The following ADAMTSL3 variants were observed in gnomAD, a reference collection of about 807,000 sequenced individuals.
ADAMTSL3 encodes the protein ADAMTS like 3, also known as ADAMTS-like protein 3.
A neutral mutation model predicts 201.7 loss-of-function variants in ADAMTSL3; 128 were observed. The observed-to-expected ratio is 0.63, with a 90% CI of 0.55 to 0.73. The LOEUF (loss-of-function observed/expected upper bound fraction) is 0.73. Ranked by LOEUF, ADAMTSL3 falls within the 30% of genes least tolerant of loss-of-function variation. The pLI is 0.00. For synonymous variants in ADAMTSL3, 738 were observed against 748.4 expected (o/e 0.99, Z 0.23); for missense variants, 1,990 against 2,119.6 (o/e 0.94, Z 1.20).
intron 3 of ADAMTSL3, among the ~76,000 whole-genome samples, chr15:83,719,216 A>C: frequency 6.6e-6 from 1 of 152,236 alleles, no homozygotes; most frequent in East Asian, 1.9e-4. Flanking sequence ...GTGTACAAGG[A>C]AACACATTAA....
intron 16 of ADAMTSL3, among the ~76,000 whole-genome samples, chr15:83,920,506 A>C (rs1175693594): frequency 6.6e-6 from 1 of 152,198 alleles, no homozygotes; most frequent in Non-Finnish European, 1.5e-5. Flanking sequence ...TGGATCCATA[A>C]AATATTATGC....
intron 3 of ADAMTSL3, chr15:83,740,075 AC>A (rs2062430399): frequency 3.3e-6 from 1 of 303,240 alleles, no homozygotes; most frequent in South Asian, 4.2e-5. Context: ...GGTAAGGAAT[AC>A]CTATGCCAGT....
intron 4 of ADAMTSL3, among the ~76,000 whole-genome samples, chr15:83,777,614 A>G (rs1199696752): frequency 2.6e-5 from 4 of 152,164 alleles, no homozygotes; most frequent in Non-Finnish European, 4.4e-5. Context: ...AAACAAAATT[A>G]TGCAAAAAGT....
At chr15:83,996,463 A>G (rs186773688) in intron 23 of ADAMTSL3, among the ~76,000 whole-genome samples, 41 of 152,294 alleles carry the variant, frequency 2.7e-4, no homozygotes, top group African/African-American at 9.4e-4. Context: ...GCTTCTCTGA[A>G]TCAATACAAA....
At chr15:83,899,474 G>A (rs2065681785) in intron 14 of ADAMTSL3, among the ~76,000 whole-genome samples, 173 bp from the exon 15 acceptor site, 1 of 152,154 alleles carries the variant, frequency 6.6e-6, no homozygotes, top group Admixed American at 6.5e-5. Context: ...ATATACAGCA[G>A]AAGTGTTTAA....
chr15:83,690,296 C>G (rs997867498), intron 2 of ADAMTSL3, among the ~76,000 whole-genome samples: 4 of 152,164 alleles, frequency 2.6e-5, no homozygotes, highest in African/African-American at 9.7e-5. Flanking sequence ...ACTTCATGGT[C>G]TGCCTTCCAG....
At chr15:83,891,070 T>G in intron 11 of ADAMTSL3, 1 of 385,470 alleles carries the variant, frequency 2.6e-6, no homozygotes, top group Middle Eastern at 7.2e-4. Context: ...AATTGCAAGA[T>G]ACTTTTCTCC....
chr15:83,735,739 A>G (rs1284917754), intron 3 of ADAMTSL3, among the ~76,000 whole-genome samples: 7 of 152,064 alleles, frequency 4.6e-5, no homozygotes, highest in Admixed American at 3.9e-4. Context: ...AGGATCAAAC[A>G]CTTAGTACAG....
chr15:83,982,711 T>A lies in ADAMTSL3; in HGVS notation c.3083T>A (p.Val1028Asp). 1 of 1,613,854 alleles carries A rather than the reference T, an allele frequency of 6.2e-7. No individual in the cohort carries two copies. Among genetic ancestry groups the A allele is most frequent in the Non-Finnish European group, 8.5e-7 (1 of 1,179,986 alleles). Residue 1028 changes from valine to aspartate, a missense_variant, in exon 21 of 30, where the codon GTC becomes GAC. Coordinates refer to ENST00000286744, the MANE Select transcript of ADAMTSL3 (RefSeq NM_207517.3). ...CACAGCGAAGCCAATAGTTTGGGAG[T>A]CACATGGCACAAAATGAGGCAAATG... is the stretch of plus-strand genomic sequence containing the variant. ...MDHSEANSLG[V>D]TWHKMRQMWN...
chr15:83,955,131 G>A (rs2066835011), intron 19 of ADAMTSL3, among the ~76,000 whole-genome samples: 2 of 152,202 alleles, frequency 1.3e-5, no homozygotes, highest in Non-Finnish European at 2.9e-5. Context: ...CCCTGGGCAT[G>A]TCCAGAGATA....
chr15:83,805,394 C>T (rs2063585837), intron 5 of ADAMTSL3, among the ~76,000 whole-genome samples: 1 of 151,952 alleles, frequency 6.6e-6, no homozygotes, highest in Non-Finnish European at 1.5e-5. Context: ...CCCATCTCTA[C>T]TAAAAATACA....
chr15:83,900,497 C>T (rs2065702923), intron 15 of ADAMTSL3, among the ~76,000 whole-genome samples: 1 of 152,234 alleles, frequency 6.6e-6, no homozygotes. Context: ...CAATGATAGA[C>T]TCAAGTAATT....
chr15:83,744,165 TA>T (rs1211087451), intron 3 of ADAMTSL3, among the ~76,000 whole-genome samples: 7 of 152,150 alleles, frequency 4.6e-5, no homozygotes, highest in Non-Finnish European at 8.8e-5. Flanking sequence ...TTTTTTATTT[TA>T]AAAAAAGGCA....
chr15:83,725,806 T>C (rs2062165805), intron 3 of ADAMTSL3, among the ~76,000 whole-genome samples: 1 of 152,198 alleles, frequency 6.6e-6, no homozygotes, highest in Non-Finnish European at 1.5e-5. Context: ...CTCTGTAGTA[T>C]AATTTGAAGT....
At chr15:83,690,709 G>C (rs554508566) in intron 2 of ADAMTSL3, among the ~76,000 whole-genome samples, 1 of 152,238 alleles carries the variant, frequency 6.6e-6, no homozygotes, top group South Asian at 2.1e-4. Context: ...AGTTCCATGG[G>C]AGCATGGAGT....
intron 19 of ADAMTSL3, among the ~76,000 whole-genome samples, chr15:83,966,678 A>C (rs983045185): frequency 6.6e-6 from 1 of 152,184 alleles, no homozygotes; most frequent in Admixed American, 6.5e-5. Context: ...AACTCATTTT[A>C]TGAGGACAGC....
chr15:83,972,394 G>T (rs955582064), intron 20 of ADAMTSL3, among the ~76,000 whole-genome samples: 8 of 152,176 alleles, frequency 5.3e-5, no homozygotes, highest in Non-Finnish European at 8.8e-5. Flanking sequence ...CTTCGTTCAA[G>T]TTGCCTCTCT....
intron 2 of ADAMTSL3, among the ~76,000 whole-genome samples, chr15:83,670,550 G>C (rs947584931): frequency 4.6e-5 from 7 of 151,970 alleles, no homozygotes; most frequent in Admixed American, 2.0e-4. Flanking sequence ...CAAAAGTTTT[G>C]GGAAACAATA....
intron 3 of ADAMTSL3, among the ~76,000 whole-genome samples, chr15:83,707,458 C>T (rs1057500738): frequency 6.6e-6 from 1 of 152,170 alleles, no homozygotes; most frequent in African/African-American, 2.4e-5. Context: ...TGAGCTATAA[C>T]ATATGTAAGT....
Sources: allele counts gnomAD v4.1 joint callset (sites outside exome capture counted in the v4.1 genomes callset), GRCh38; gene constraint gnomAD v4.1.1; transcripts MANE v1.5; gene names NCBI Gene and HGNC (gene_info 2026-07-23, HGNC 2026-07-21).